Variants in SNTG1 observed in about 807,000 individuals in gnomAD.
SNTG1 encodes syntrophin gamma 1.
A neutral mutation model predicts 74.7 loss-of-function variants in SNTG1; 39 were observed. That is an observed-to-expected ratio of 0.52 (90% CI 0.40 to 0.68). SNTG1 has a LOEUF of 0.68. Ranked by LOEUF, SNTG1 falls within the 30% of genes least tolerant of loss-of-function variation. The probability of loss-of-function intolerance (pLI) is 0.00; values close to 1 mark genes in which losing one functional copy is unlikely to be tolerated. For synonymous variants in SNTG1, 254 were observed against 217.1 expected (o/e 1.17, Z -1.49); for missense variants, 685 against 609.5 (o/e 1.12, Z -1.30).
At chr8:50,381,163 T>C (rs996420035) in intron 2 of SNTG1, 7 of 152,204 alleles carry the variant, frequency 4.6e-5, no homozygotes, top group African/African-American at 1.4e-4. Flanking sequence ...CATCTCCATA[T>C]TTTAGGTAAT....
intron 2 of SNTG1, among the ~76,000 whole-genome samples, chr8:50,380,652 A>G (rs143733064): frequency 3.1e-4 from 47 of 152,292 alleles, no homozygotes; most frequent in African/African-American, 1.1e-3. Context: ...GCATATCTTT[A>G]TCAGTCTCCT....
chr8:50,222,320 A>C (rs2085111215), intron 2 of SNTG1, among the ~76,000 whole-genome samples: 1 of 152,202 alleles, frequency 6.6e-6, no homozygotes, highest in Non-Finnish European at 1.5e-5. Flanking sequence ...CATTTAAACT[A>C]TAAACTAAAT....
At chr8:50,191,695 GTAGGTATTTGTGCTAA>G (rs1267472646) in intron 2 of SNTG1, among the ~76,000 whole-genome samples, 1 of 152,066 alleles carries the variant, frequency 6.6e-6, no homozygotes, top group African/African-American at 2.4e-5. Context: ...CCTGCATGCA[GTAGGTATTTGTGCTAA>G]TGCTCTACCT....
chr8:49,983,186 T>C (rs1159108679), intron 1 of SNTG1, among the ~76,000 whole-genome samples: 1 of 152,200 alleles, frequency 6.6e-6, no homozygotes, highest in Non-Finnish European at 1.5e-5. Flanking sequence ...GTTACATAAT[T>C]ATATTATTTG....
chr8:50,465,606 T>C (rs1448401620), intron 8 of SNTG1, among the ~76,000 whole-genome samples: 3 of 152,210 alleles, frequency 2.0e-5, no homozygotes, highest in African/African-American at 7.2e-5. Flanking sequence ...CATTTGTTCC[T>C]ACTATCCTGG....
At chr8:49,958,660 C>A (rs778309049) in intron 1 of SNTG1, among the ~76,000 whole-genome samples, 12 of 152,166 alleles carry the variant, frequency 7.9e-5, no homozygotes, top group Non-Finnish European at 1.8e-4. Flanking sequence ...ACCTCGTGAT[C>A]CACCCGCCTT....
In SNTG1 at chr8:50,635,054, T is replaced by C. The variant is rs2095030036; in HGVS notation, c.850-21855T>C. On this transcript the variant is annotated intron_variant, in intron 13 of 18. Transcript: ENST00000642720. ...CCAAATGTAAAATACATTCAACCTT[T>C]CAAAGCTTTCCAAGAGTCTCACCCC... 2.0e-5 allele frequency among the ~76,000 whole-genome samples: 3 copies of C among 152,216 alleles called. No homozygotes were observed. The South Asian group carries it at 6.2e-4, about 32-fold the overall frequency.
At chr8:50,266,907 A>G (rs1343633557) in intron 2 of SNTG1, among the ~76,000 whole-genome samples, 1 of 151,998 alleles carries the variant, frequency 6.6e-6, no homozygotes, top group Non-Finnish European at 1.5e-5. Flanking sequence ...GGTATTTTCC[A>G]CTTGCTCAGA....
At chr8:50,355,878 T>G (rs2091802848) in intron 2 of SNTG1, among the ~76,000 whole-genome samples, 1 of 152,180 alleles carries the variant, frequency 6.6e-6, no homozygotes, top group Non-Finnish European at 1.5e-5. Flanking sequence ...TACCGTGGCT[T>G]TTAGACTGAG....
Position 50,656,964 on chromosome 8 carries a change from T to G in SNTG1, c.905T>G (p.Val302Gly), listed in dbSNP as rs2095185862. 3.1e-6 allele frequency: 5 copies of G among 1,599,402 alleles called. No individual in the cohort carries two copies. The highest frequency in any genetic ancestry group is 1.7e-6 in the Non-Finnish European group (2 of 1,173,164). Residue 302 changes from valine to glycine, a missense_variant, in exon 14 of 19, where the codon GTG becomes GGG. By Grantham distance (109) the Val-to-Gly change is moderately radical. Coordinates refer to ENST00000642720, the MANE Select transcript of SNTG1 (RefSeq NM_018967.5). Reference protein sequence around the residue: ...AREQDPLQDRVYSPTFLALRG... With the variant: ...AREQDPLQDRGYSPTFLALRG... Reference sequence around the variant, plus strand: ...GAGCAAGACCCCCTCCAGGACAGAGTGTACTCCCCGACCTTCCTGGCCCTG... The same window carrying G: ...GAGCAAGACCCCCTCCAGGACAGAGGGTACTCCCCGACCTTCCTGGCCCTG...
intron 18 of SNTG1, among the ~76,000 whole-genome samples, chr8:50,782,454 T>A (rs1038633109): frequency 6.6e-6 from 1 of 152,214 alleles, no homozygotes; most frequent in African/African-American, 2.4e-5. Flanking sequence ...TTTCATTCAT[T>A]TCATCTTCCA....
chr8:50,299,549 A>G (rs79432471), intron 2 of SNTG1, among the ~76,000 whole-genome samples: 10,532 of 152,220 alleles, frequency 0.069, 410 homozygotes, highest in African/African-American at 0.085. Context: ...TTTGAGTCAC[A>G]TGTGCAACTT....
At chr8:50,592,464 A>G (rs564618428) in intron 13 of SNTG1, among the ~76,000 whole-genome samples, 1 of 152,316 alleles carries the variant, frequency 6.6e-6, no homozygotes, top group Admixed American at 6.5e-5. Flanking sequence ...ATCAATGACA[A>G]CTACAGCTAA....
chr8:49,950,140 T>TA (rs539854730), intron 1 of SNTG1, among the ~76,000 whole-genome samples: 8 of 150,774 alleles, frequency 5.3e-5, no homozygotes, highest in Non-Finnish European at 5.9e-5. Context: ...AATCAATCAA[T>TA]AAAAAAAAAT....
intron 11 of SNTG1, among the ~76,000 whole-genome samples, chr8:50,539,975 G>A (rs2094334825): frequency 6.6e-6 from 1 of 152,164 alleles, no homozygotes; most frequent in South Asian, 2.1e-4. Context: ...CAGATTGGAG[G>A]TTTCAGAGGG....
At chr8:50,109,432 AT>A (rs1171175106) in intron 1 of SNTG1, among the ~76,000 whole-genome samples, 3 of 152,132 alleles carry the variant, frequency 2.0e-5, no homozygotes, top group Non-Finnish European at 4.4e-5. Context: ...CAGCACCTCA[AT>A]GGAGAGTATA....
chr8:50,353,310 C>G (rs752265256), intron 2 of SNTG1, among the ~76,000 whole-genome samples: 1 of 151,448 alleles, frequency 6.6e-6, no homozygotes, highest in Admixed American at 6.6e-5. Context: ...TTGTAAATGA[C>G]GAGTTAATGG....
intron 1 of SNTG1, among the ~76,000 whole-genome samples, chr8:49,950,840 A>T (rs1809635047): frequency 6.6e-6 from 1 of 152,196 alleles, no homozygotes; most frequent in Non-Finnish European, 1.5e-5. Flanking sequence ...GCTCTCCTCT[A>T]CTTCTCACAG....
At chr8:49,932,060 T>C (rs1216059281) in intron 1 of SNTG1, among the ~76,000 whole-genome samples, 2 of 152,162 alleles carry the variant, frequency 1.3e-5, no homozygotes, top group African/African-American at 4.8e-5. Context: ...GTTATACAAT[T>C]GAAGCATTAA....
Sources: gnomAD v4.1 joint callset for allele counts (sites outside exome capture counted in the v4.1 genomes callset) on GRCh38, gnomAD v4.1.1 for gene constraint, MANE v1.5 for transcripts, NCBI Gene and HGNC (gene_info 2026-07-23, HGNC 2026-07-21) for gene names.